The following RPTOR variants were observed in gnomAD, a reference collection of about 807,000 sequenced individuals.
RPTOR encodes regulatory associated protein of MTOR complex 1, also known as regulatory-associated protein of mTOR.
In RPTOR, 21 loss-of-function variants were observed where a neutral mutation model predicts 169.9. The ratio of observed to expected loss-of-function variants is 0.12; its 90% confidence interval spans 0.09 to 0.18. The LOEUF (loss-of-function observed/expected upper bound fraction) is 0.18, where lower values mean the gene tolerates loss of function less well. Among genes scored for constraint, RPTOR ranks in the 10% least tolerant of loss-of-function variants. RPTOR has a pLI of 1.00. For missense variants in RPTOR, 1,133 were observed against 1,855.9 expected, an observed-to-expected ratio of 0.61 and a Z score of 7.16; for synonymous variants, 732 against 753.2, an observed-to-expected ratio of 0.97 and a Z score of 0.46.
At chr17:80,772,218 T>C (rs921117109) in intron 6 of RPTOR, among the ~76,000 whole-genome samples, 1 of 152,216 alleles carries the variant, frequency 6.6e-6, no homozygotes, top group Non-Finnish European at 1.5e-5. Context: ...AATCTGCCAC[T>C]GTTTGGCTGC....
At chr17:80,560,271 G>A (rs1258489509) in intron 1 of RPTOR, among the ~76,000 whole-genome samples, 1 of 152,202 alleles carries the variant, frequency 6.6e-6, no homozygotes, top group Non-Finnish European at 1.5e-5. Flanking sequence ...GAAGATCTGT[G>A]TGCTCAGGTG....
At chr17:80,817,103 C>T (rs1324930823) in intron 7 of RPTOR, among the ~76,000 whole-genome samples, 1 of 152,140 alleles carries the variant, frequency 6.6e-6, no homozygotes, top group African/African-American at 2.4e-5. Flanking sequence ...CTGGGTCCAC[C>T]GAGCCGCACA....
chr17:80,786,150 C>T (rs777704931), intron 6 of RPTOR, among the ~76,000 whole-genome samples: 18 of 152,158 alleles, frequency 1.2e-4, no homozygotes, highest in East Asian at 5.8e-4. Context: ...GTTAGACTGA[C>T]GCACTTTTGC....
intron 24 of RPTOR, among the ~76,000 whole-genome samples, chr17:80,938,165 C>T (rs541969369): frequency 2.0e-5 from 3 of 152,378 alleles, no homozygotes; most frequent in East Asian, 3.9e-4. Flanking sequence ...CTCCTGTCTC[C>T]GGGCGTCCTG....
At chr17:80,617,987 C>CTTTTTTTT (rs1197342364) in intron 1 of RPTOR, among the ~76,000 whole-genome samples, 2 of 146,368 alleles carry the variant, frequency 1.4e-5, no homozygotes, top group African/African-American at 5.1e-5. Flanking sequence ...ATAGTTACAA[C>CTTTTTTTT]TTTTTTTTTT....
chr17:80,792,886 G>A (rs766490238), intron 7 of RPTOR, among the ~76,000 whole-genome samples: 1 of 151,418 alleles, frequency 6.6e-6, no homozygotes, highest in Non-Finnish European at 1.5e-5. Context: ...TATTGCCCCC[G>A]CCACCCCTGC....
At chr17:80,788,195 G>A (rs1191098037) in intron 6 of RPTOR, among the ~76,000 whole-genome samples, 1 of 152,228 alleles carries the variant, frequency 6.6e-6, no homozygotes, top group African/African-American at 2.4e-5. Flanking sequence ...AACACCAGCT[G>A]GGGGTGGTGG....
chr17:80,742,716 C>G (rs1004412342), intron 5 of RPTOR, among the ~76,000 whole-genome samples: 4 of 151,414 alleles, frequency 2.6e-5, no homozygotes, highest in Non-Finnish European at 5.9e-5. Flanking sequence ...ATAGACACAC[C>G]CACACACATA....
intron 3 of RPTOR, among the ~76,000 whole-genome samples, chr17:80,647,213 A>C (rs1599632649): frequency 6.6e-6 from 1 of 152,188 alleles, no homozygotes. Context: ...GATTAAATTT[A>C]AGGCTTTGCC....
rs561547961 is a variant in RPTOR, at chr17:80,768,351, A to C, written c.830+14166A>C. On this transcript the variant is annotated intron_variant, in intron 6 of 33. Transcript: ENST00000306801. ...AGTGAGTCCCAAAGACTTTTGTGAG[A>C]GTTTGAATGCATCCGTGTGTAATGT... Among the ~76,000 whole-genome samples the C allele has an allele frequency of 2.0e-5, 3 of 152,298 alleles. No individual in the cohort carries two copies. The South Asian group carries it at 6.2e-4, about 32-fold the overall frequency.
chr17:80,807,913 C>G (rs914460341), intron 7 of RPTOR, among the ~76,000 whole-genome samples: 2 of 152,128 alleles, frequency 1.3e-5, no homozygotes, highest in African/African-American at 4.8e-5. Context: ...AGCCTGGGGG[C>G]CTTAAGAAAA....
intron 7 of RPTOR, among the ~76,000 whole-genome samples, chr17:80,817,895 C>T (rs1007791901): frequency 3.3e-5 from 5 of 152,132 alleles, no homozygotes; most frequent in African/African-American, 4.8e-5. Flanking sequence ...GGTGTGGATG[C>T]TGAAGTTCTG....
rs2068229897 is a variant in RPTOR, at chr17:80,885,111, C to T, written c.1946C>T (p.Ala649Val). Residue 649 changes from alanine (A) to valine (V), a missense_variant, in exon 17 of 34, where the codon GCC becomes GTC. This residue lies in a region of RPTOR where 150 missense variants were observed against 206.4 expected (regional missense o/e 0.73). Coordinates refer to ENST00000306801, the MANE Select transcript of RPTOR (RefSeq NM_020761.3). Reference protein sequence around the residue: ...TIDHNVAMMLAQLVSDGSPMV... With the variant: ...TIDHNVAMMLVQLVSDGSPMV... ...GACCACAACGTGGCCATGATGCTGG[C>T]CCAGCTGGTCAGCGACGGGAGCCCC... 1 of 1,577,382 alleles carries T rather than the reference C, an allele frequency of 6.3e-7. No individual in the cohort carries two copies. Among genetic ancestry groups the T allele is most frequent in the African/African-American group, 1.3e-5 (1 of 74,370 alleles).
chr17:80,685,179 G>GTCGCCCC (rs1249887111), intron 3 of RPTOR, among the ~76,000 whole-genome samples: 92 of 151,910 alleles, frequency 6.1e-4, no homozygotes, highest in African/African-American at 1.4e-3. Flanking sequence ...CTCATTCGGA[G>GTCGCCCC]TCACCCCTCA....
chr17:80,674,799 A>C (rs986157028), intron 3 of RPTOR, among the ~76,000 whole-genome samples: 6 of 47,928 alleles, frequency 1.3e-4, no homozygotes, highest in African/African-American at 4.1e-4. Flanking sequence ...AAAAAAAAAA[A>C]AAAAAAAAAA....
intron 1 of RPTOR, among the ~76,000 whole-genome samples, chr17:80,599,363 C>A (rs2065169277): frequency 1.3e-5 from 2 of 152,194 alleles, no homozygotes; most frequent in Non-Finnish European, 2.9e-5. Context: ...AATTCTTGAC[C>A]ATGGGACCTG....
In RPTOR at chr17:80,876,922, G is replaced by C. The variant is rs189148630; in HGVS notation, c.1510-3493G>C. Among the ~76,000 whole-genome samples the C allele has an allele frequency of 6.6e-3, 910 of 137,964 alleles. 10 individuals carry two copies. The highest frequency in any genetic ancestry group is 0.024 in the African/African-American group (852 of 35,830). The allele number at this position is 137,964 out of a possible 152,430, so 90.5% of individuals were successfully genotyped here. A position where few individuals can be genotyped will look rare whatever the true frequency, so the allele number is the denominator to read the frequency against. ...GCAGGGTGTGTGTGTCGCCTGCCGG[G>C]TCTTCCCACCGAGCCCGTGCCACTC... On this transcript the variant is annotated intron_variant, in intron 13 of 33. Transcript: ENST00000306801.
chr17:80,898,152 C>T (rs2068429427), intron 20 of RPTOR, among the ~76,000 whole-genome samples: 1 of 152,122 alleles, frequency 6.6e-6, no homozygotes, highest in Non-Finnish European at 1.5e-5. Context: ...TTCTCTATTT[C>T]TTCATAAGCT....
intron 3 of RPTOR, among the ~76,000 whole-genome samples, chr17:80,666,845 G>T (rs976042341): frequency 6.6e-6 from 1 of 152,092 alleles, no homozygotes; most frequent in Admixed American, 6.5e-5. Context: ...TCTGTGAAGG[G>T]TGATGGCGAG....
Sources: allele counts gnomAD v4.1 joint callset (sites outside exome capture counted in the v4.1 genomes callset), GRCh38; gene constraint gnomAD v4.1.1; regional missense constraint gnomAD v4.1.1; transcripts MANE v1.5; gene names NCBI Gene and HGNC (gene_info 2026-07-23, HGNC 2026-07-21).